MTAP: variants seen among roughly 807,000 people sequenced by gnomAD.
MTAP encodes methylthioadenosine phosphorylase.
MTAP carries 33 observed loss-of-function variants against 33.6 expected under a neutral mutation model. The observed-to-expected ratio is 0.98, with a 90% CI of 0.74 to 1.31. The LOEUF (loss-of-function observed/expected upper bound fraction) is 1.31, where lower values mean the gene tolerates loss of function less well. Among genes scored for constraint, MTAP ranks in the 40% most tolerant of loss-of-function variants. MTAP has a pLI of 0.00. For synonymous variants in MTAP, 148 were observed against 125.7 expected, an observed-to-expected ratio of 1.18 and a Z score of -1.19; for missense variants, 367 against 360.0, an observed-to-expected ratio of 1.02 and a Z score of -0.16.
At chr9:21,910,496 G>A (rs998259117) in intron 1 of MTAP, among the ~76,000 whole-genome samples, 9 of 152,100 alleles carry the variant, frequency 5.9e-5, no homozygotes, top group Non-Finnish European at 1.0e-4. Flanking sequence ...AGCTAGAGAA[G>A]ACAATTCTAT....
At chr9:21,834,296 C>G (rs535648458) in intron 4 of MTAP, among the ~76,000 whole-genome samples, 1 of 152,160 alleles carries the variant, frequency 6.6e-6, no homozygotes, top group Non-Finnish European at 1.5e-5. Flanking sequence ...CAGAGGCACA[C>G]AGCTAGTGAG....
chr9:21,911,078 T>C (rs1199094512), intron 1 of MTAP, among the ~76,000 whole-genome samples: 1 of 152,124 alleles, frequency 6.6e-6, no homozygotes, highest in Non-Finnish European at 1.5e-5. Context: ...CAAGAAGAGC[T>C]AACTATCCTA....
intron 1 of MTAP, among the ~76,000 whole-genome samples, chr9:21,927,129 A>G (rs1005210593): frequency 7.2e-5 from 11 of 152,184 alleles, no homozygotes; most frequent in Non-Finnish European, 1.5e-4. Flanking sequence ...TGGGCTACCC[A>G]TACTAACCAA....
intron 1 of MTAP, among the ~76,000 whole-genome samples, chr9:21,881,330 G>C (rs1158702084): frequency 6.6e-6 from 1 of 151,964 alleles, no homozygotes; most frequent in African/African-American, 2.4e-5. Context: ...ACAGGGGAAA[G>C]ATTTATGATA....
intron 1 of MTAP, among the ~76,000 whole-genome samples, chr9:21,923,187 C>T (rs1275121789): frequency 1.3e-5 from 2 of 152,234 alleles, no homozygotes; most frequent in Non-Finnish European, 2.9e-5. Flanking sequence ...TGCAGATGTC[C>T]ATTGGCTCAT....
chr9:21,934,574 C>T (rs1819012287), downstream of MTAP: 1 of 151,922 alleles, frequency 6.6e-6, no homozygotes, highest in East Asian at 1.9e-4. The surrounding 1 kb of genome is among the most constrained non-coding windows in gnomAD (Gnocchi z 5.0). Flanking sequence ...GATTATAAAA[C>T]TGTCAGTTTA....
chr9:21,879,512 C>T (rs1468302284), intron 1 of MTAP, among the ~76,000 whole-genome samples: 1 of 151,936 alleles, frequency 6.6e-6, no homozygotes, highest in Non-Finnish European at 1.5e-5. Flanking sequence ...TCCAGCTTGC[C>T]ACTCTGTGCC....
Position 21,859,322 on chromosome 9 carries a change from T to TA in MTAP, c.713dup (p.Thr239AspfsTer7). 1 of 1,612,926 alleles carries TA rather than the reference T, an allele frequency of 6.2e-7. No individual in the cohort carries two copies. The highest frequency in any genetic ancestry group is 8.5e-7 in the Non-Finnish European group (1 of 1,179,518). ...CTCTAGGTTTCGGTGGACCGGGTCT[T>TA]AAAGACCCTGAAAGAAAACGCTAAT... is the stretch of plus-strand genomic sequence containing the variant. On this transcript the variant is annotated frameshift_variant, in exon 7 of 8. Coordinates refer to ENST00000644715, the MANE Select transcript of MTAP (RefSeq NM_002451.4). LOFTEE classifies it high-confidence loss of function.
At chr9:21,815,791 C>A (rs1234410859) in intron 2 of MTAP, among the ~76,000 whole-genome samples, 1 of 152,152 alleles carries the variant, frequency 6.6e-6, no homozygotes, top group Non-Finnish European at 1.5e-5. Flanking sequence ...ATACTCATTT[C>A]AGACCACAGA....
chr9:21,875,094 C>G (rs1480456499), intron 1 of MTAP, among the ~76,000 whole-genome samples: 1 of 152,074 alleles, frequency 6.6e-6, no homozygotes, highest in African/African-American at 2.4e-5. Context: ...GGCATTTGGG[C>G]TGGTTCCAAG....
Position 21,863,110 on chromosome 9 carries a change from A to AAAAGCTAGGTGTTT in MTAP, c.*1099_*1112dup. ...CTTGGGTTTGCAACAGCTTTCTGAGAAAAGCTAGGTGTTTAATAGTTTAAC... is the reference window on the plus strand; with the variant it reads ...CTTGGGTTTGCAACAGCTTTCTGAGAAAAGCTAGGTGTTTAAAGCTAGGTGTTTAATAGTTTAAC... On this transcript the variant is annotated 3_prime_UTR_variant, in exon 8 of 8. Transcript: ENST00000644715. 2.0e-6 allele frequency: 2 copies of AAAAGCTAGGTGTTT among 982,902 alleles called. No individual in the cohort carries two copies. The highest frequency in any genetic ancestry group is 2.4e-6 in the Non-Finnish European group (2 of 827,728). The allele number at this position is 982,902 out of a possible 1,614,324, so 60.9% of individuals were successfully genotyped here.
At chr9:21,936,427 G>C (rs1207112661) in exon 8 of MTAP, 1 of 152,154 alleles carries the variant, frequency 6.6e-6, no homozygotes, top group Non-Finnish European at 1.5e-5. Flanking sequence ...TTTCTCAATA[G>C]CTTCTCATTG....
intron 1 of MTAP, chr9:21,813,679 G>C (rs1824407264): frequency 6.6e-6 from 1 of 152,210 alleles, no homozygotes; most frequent in African/African-American, 2.4e-5. Context: ...AGGCCAAAGT[G>C]GTGATAAGTT....
In MTAP at chr9:21,862,315, G is replaced by T; in HGVS notation, c.*301G>T. Reference sequence around the variant, plus strand: ...CCCCTATTAAATTTGCAACAATAAAGGGTGGAGGGTAATCTCTACTTTCCT... The same window carrying T: ...CCCCTATTAAATTTGCAACAATAAATGGTGGAGGGTAATCTCTACTTTCCT... On this transcript the variant is annotated 3_prime_UTR_variant, in exon 8 of 8. Transcript: ENST00000644715. The T allele has an allele frequency of 2.7e-6, 1 of 364,486 alleles. No homozygotes were observed. Among genetic ancestry groups the T allele is most frequent in the Non-Finnish European group, 4.4e-6 (1 of 228,138 alleles). 22.6% of individuals were successfully genotyped at this position (364,486 alleles called of 1,614,324 possible). A position where few individuals can be genotyped will look rare whatever the true frequency, so the allele number is the denominator to read the frequency against.
At chr9:21,859,235 G>A (rs1164279667) in intron 6 of MTAP, 68 bp from the exon 7 acceptor site, 1 of 1,548,018 alleles carries the variant, frequency 6.5e-7, no homozygotes, top group Non-Finnish European at 8.7e-7. Context: ...CTGGAGCTCA[G>A]AAAAATGTTT....
chr9:21,803,396 A>G (rs1824118718), intron 1 of MTAP: 1 of 154,998 alleles, frequency 6.5e-6, no homozygotes, highest in South Asian at 2.1e-4. Flanking sequence ...GAATTCTGAG[A>G]CTTTCTTCGA....
intron 1 of MTAP, chr9:21,811,498 A>G: frequency 3.9e-6 from 1 of 256,066 alleles, no homozygotes; most frequent in Non-Finnish European, 7.9e-6. Flanking sequence ...TCTTTAGAAC[A>G]TGTGATGTCA....
At chr9:21,822,178 A>T (rs1824659561) in intron 4 of MTAP, among the ~76,000 whole-genome samples, 1 of 151,524 alleles carries the variant, frequency 6.6e-6, no homozygotes, top group Admixed American at 6.6e-5. Flanking sequence ...CTAGCTTTTG[A>T]ATGTGTTTGC....
At chr9:21,906,811 T>C (rs189922358) in intron 1 of MTAP, among the ~76,000 whole-genome samples, 204 of 152,290 alleles carry the variant, frequency 1.3e-3, no homozygotes, top group Non-Finnish European at 2.1e-3. Flanking sequence ...AATACAGATA[T>C]AAATTAATGG....
Sources: gnomAD v4.1 joint callset for allele counts (sites outside exome capture counted in the v4.1 genomes callset) on GRCh38, gnomAD v4.1.1 for gene constraint, Gnocchi (gnomAD v3.1) non-coding constraint, MANE v1.5 for transcripts, NCBI Gene and HGNC (gene_info 2026-07-23, HGNC 2026-07-21) for gene names.